PIK3C3: variants seen among roughly 807,000 people sequenced by gnomAD.
PIK3C3 encodes the protein phosphatidylinositol 3-kinase catalytic subunit type 3.
In PIK3C3, 95 loss-of-function variants were observed where a neutral mutation model predicts 126.1. The observed-to-expected ratio is 0.75, with a 90% CI of 0.64 to 0.89. The LOEUF is 0.89. Among genes scored for constraint, PIK3C3 ranks in the 40% least tolerant of loss-of-function variants. PIK3C3 has a pLI of 0.00. For synonymous variants in PIK3C3, 374 were observed against 360.0 expected, an observed-to-expected ratio of 1.04 and a Z score of -0.44; for missense variants, 829 against 1,063.2, an observed-to-expected ratio of 0.78 and a Z score of 3.06.
At chr18:42,015,231 AAC>A (rs1245780953) in intron 11 of PIK3C3, among the ~76,000 whole-genome samples, 1 of 152,096 alleles carries the variant, frequency 6.6e-6, no homozygotes, top group Admixed American at 6.6e-5. Flanking sequence ...CAAACAAACA[AAC>A]AGCACTTACC....
chr18:42,003,516 A>G (rs991220585), intron 9 of PIK3C3, among the ~76,000 whole-genome samples: 7 of 152,160 alleles, frequency 4.6e-5, no homozygotes, highest in Admixed American at 2.0e-4. Flanking sequence ...GCCTCAAGCA[A>G]TTCTCCTGAC....
intron 20 of PIK3C3, among the ~76,000 whole-genome samples, chr18:42,048,771 A>G (rs761945680): frequency 6.6e-6 from 1 of 152,210 alleles, no homozygotes; most frequent in Non-Finnish European, 1.5e-5. Flanking sequence ...TTGTTTTTAC[A>G]CATGGGCTGA....
At chr18:42,081,011 T>C (rs1986227837) in intron 24 of PIK3C3, 112 bp from the exon 25 acceptor site, 2 of 643,826 alleles carry the variant, frequency 3.1e-6, no homozygotes, top group South Asian at 4.6e-5. Flanking sequence ...AGCAAACTAA[T>C]TAATGCACTT....
intron 6 of PIK3C3, among the ~76,000 whole-genome samples, chr18:41,992,125 C>G (rs1180475582): frequency 6.6e-6 from 1 of 152,128 alleles, no homozygotes; most frequent in Non-Finnish European, 1.5e-5. Context: ...TTCTTGACCC[C>G]TTTCTACCAC....
intron 16 of PIK3C3, among the ~76,000 whole-genome samples, chr18:42,036,123 G>C (rs1026071993): frequency 6.6e-6 from 1 of 152,040 alleles, no homozygotes. Context: ...CAAATAAAAG[G>C]ATATTCCAAA....
intron 21 of PIK3C3, among the ~76,000 whole-genome samples, chr18:42,051,705 A>G (rs1472971065): frequency 6.6e-6 from 1 of 152,016 alleles, no homozygotes; most frequent in African/African-American, 2.4e-5. Flanking sequence ...ATTATGGTGT[A>G]TTTGGAGAGA....
chr18:42,054,806 G>T (rs1381898529), intron 21 of PIK3C3, among the ~76,000 whole-genome samples: 3 of 151,998 alleles, frequency 2.0e-5, no homozygotes, highest in African/African-American at 7.2e-5. Context: ...TCTCCTAGTG[G>T]TGCTGTGAGG....
intron 3 of PIK3C3, among the ~76,000 whole-genome samples, chr18:41,966,179 T>C (rs1001591712): frequency 0.013 from 1,256 of 95,370 alleles, 14 homozygotes; most frequent in African/African-American, 0.061. Context: ...TATTGTTCCT[T>C]TTTTTTTTTT....
intron 14 of PIK3C3, 105 bp downstream of exon 14, chr18:42,027,653 A>T: frequency 2.3e-6 from 1 of 432,642 alleles, no homozygotes; most frequent in Middle Eastern, 4.2e-4. Context: ...TTATATATTT[A>T]TTTTTATTTT....
chr18:41,968,945 A>G (rs1477634566), intron 3 of PIK3C3, among the ~76,000 whole-genome samples: 1 of 151,778 alleles, frequency 6.6e-6, no homozygotes, highest in Non-Finnish European at 1.5e-5. Flanking sequence ...AGCCCCCTAA[A>G]AACTACAGGC....
chr18:41,979,974 A>T (rs1981116385), intron 4 of PIK3C3, among the ~76,000 whole-genome samples: 2 of 151,890 alleles, frequency 1.3e-5, no homozygotes, highest in South Asian at 4.1e-4. Flanking sequence ...GATTAAGTGT[A>T]CTTCTCCTGG....
intron 2 of PIK3C3, among the ~76,000 whole-genome samples, chr18:41,961,723 C>T (rs1980095020): frequency 6.6e-6 from 1 of 151,948 alleles, no homozygotes; most frequent in South Asian, 2.1e-4. Flanking sequence ...AATTTAAAAG[C>T]CAGCTCCTCT....
intron 24 of PIK3C3, among the ~76,000 whole-genome samples, chr18:42,073,525 C>T (rs61682064): frequency 0.17 from 25,137 of 152,046 alleles, 2,312 homozygotes; most frequent in East Asian, 0.26. Flanking sequence ...CATCTTACTA[C>T]GCTGAAGGTG....
chr18:42,055,340 C>G (rs563708182), intron 21 of PIK3C3, among the ~76,000 whole-genome samples: 1 of 152,142 alleles, frequency 6.6e-6, no homozygotes, highest in African/African-American at 2.4e-5. Flanking sequence ...GTGCTTTTAA[C>G]TGAGTGAAAA....
chr18:41,962,616 C>G lies in PIK3C3; in HGVS notation c.385C>G (p.Leu129Val). The G allele has an allele frequency of 6.2e-7, 1 of 1,610,794 alleles. No individual in the cohort carries two copies. Among genetic ancestry groups the G allele is most frequent in the Admixed American group, 1.7e-5 (1 of 59,794 alleles). ...GCCTGTAGGAGGAACAACGGTTTCG[C>G]TCTTTGGAAAATACGGGTAAGCATT... ...AVPVGGTTVS[L>V]FGKYGMFRQG... Residue 129 changes from leucine to valine, a missense_variant, in exon 3 of 25, where the codon CTC (leucine) becomes GTC (valine). Physicochemically the swap from Leu to Val is conservative, Grantham distance 32. Coordinates refer to ENST00000262039, the MANE Select transcript of PIK3C3 (RefSeq NM_002647.4).
rs1018558153 is a variant in PIK3C3 at position 42,024,769 on chromosome 18, G to A, written c.1485-2674G>A. 2.6e-5 allele frequency among the ~76,000 whole-genome samples: 4 copies of A among 151,540 alleles called. No individual in the cohort carries two copies. The South Asian group carries it at 8.4e-4, about 32-fold the overall frequency. ...GATTTTTGAGAGGTGTTTGATACTT[G>A]ATGCTTATTATGAGCATCAACATAT... On this transcript the variant is annotated intron_variant, in intron 13 of 24. Coordinates refer to ENST00000262039, the MANE Select transcript of PIK3C3 (RefSeq NM_002647.4).
At chr18:41,991,179 G>A (rs1981758088) in intron 6 of PIK3C3, among the ~76,000 whole-genome samples, 1 of 144,314 alleles carries the variant, frequency 6.9e-6, no homozygotes, top group East Asian at 1.9e-4. Flanking sequence ...TGTAGAAGGT[G>A]CTTCATTTAA....
At chr18:42,059,574 G>C (rs1208361692) in intron 22 of PIK3C3, among the ~76,000 whole-genome samples, 1 of 152,162 alleles carries the variant, frequency 6.6e-6, no homozygotes, top group Non-Finnish European at 1.5e-5. Flanking sequence ...GTCATTGGTA[G>C]TGGATTAGTA....
At chr18:41,973,734 T>G (rs141040374) in intron 4 of PIK3C3, among the ~76,000 whole-genome samples, 2 of 152,212 alleles carry the variant, frequency 1.3e-5, no homozygotes, top group African/African-American at 4.8e-5. Flanking sequence ...TAATAAACTT[T>G]TAAACATGGG....
Sources: allele counts gnomAD v4.1 joint callset (sites outside exome capture counted in the v4.1 genomes callset), GRCh38; gene constraint gnomAD v4.1.1; transcripts MANE v1.5; gene names NCBI Gene and HGNC (gene_info 2026-07-23, HGNC 2026-07-21).